KCP: variants seen among roughly 807,000 people sequenced by gnomAD.
KCP encodes the protein kielin cysteine rich BMP regulator, also known as kielin/chordin-like protein.
Under a neutral mutation model 212.7 loss-of-function variants are expected in KCP, and 194 were observed. The observed-to-expected ratio is 0.91, with a 90% CI of 0.81 to 1.03. The LOEUF (loss-of-function observed/expected upper bound fraction) is 1.03. Among genes scored for constraint, KCP ranks in the 50% least tolerant of loss-of-function variants. KCP has a pLI of 0.00. For synonymous variants in KCP, 833 were observed against 865.3 expected (o/e 0.96, Z 0.65); for missense variants, 2,080 against 2,162.5 (o/e 0.96, Z 0.76).
At chr7:128,887,180 G>T in intron 23 of KCP, 35 bp downstream of exon 23, 1 of 1,530,858 alleles carries the variant, frequency 6.5e-7, no homozygotes, top group Non-Finnish European at 8.9e-7. Context: ...ATCAAGGGAG[G>T]AAAGGTTACC....
rs968413816 is a variant in KCP at position 128,891,690 on chromosome 7, CA to C, written c.1750del (p.Cys584ValfsTer43). On this transcript the variant is annotated frameshift_variant, in exon 17 of 40. Coordinates refer to ENST00000610776, the MANE Select transcript of KCP (RefSeq NM_001366122.1). LOFTEE classifies it high-confidence loss of function. ...CQPRPCPRAP[C>X]AHPLPGTCCP... is the part of the protein sequence containing the mutation. ...GCAGGTCCCAGGCAGCGGGTGGGCA[CA>C]GGGGGCCCTGGGGCAGGGGCGAGGC... 7.6e-6 allele frequency: 11 copies of C among 1,452,572 alleles called. No individual in the cohort carries two copies. Among genetic ancestry groups the C allele is most frequent in the African/African-American group, 5.7e-5 (4 of 69,724 alleles). The allele number at this position is 1,452,572 out of a possible 1,614,324, so 90.0% of individuals were successfully genotyped here. A position where few individuals can be genotyped will look rare whatever the true frequency, so the allele number is the denominator to read the frequency against.
chr7:128,877,148 C>T lies in KCP; in HGVS notation c.4782G>A (p.Glu1594=), dbSNP rs1353448030. The part of the protein sequence containing the change: ...CQCPAGLVEH[E]AHCIPPEACP... ...AGGCCTCGGGTGGGATGCAGTGGGC[C>T]TCATGCTCCACCAGGCCTGCAGGGC... Residue 1594 remains glutamate, a synonymous_variant, in exon 40 of 40, where the codon GAG becomes GAA. Transcript: ENST00000610776. 1.3e-6 allele frequency: 2 copies of T among 1,503,374 alleles called. No individual in the cohort carries two copies. The highest frequency in any genetic ancestry group is 2.6e-5 in the Admixed American group (1 of 38,902). The allele number at this position is 1,503,374 out of a possible 1,614,324, so 93.1% of individuals were successfully genotyped here. A position where few individuals can be genotyped will look rare whatever the true frequency, so the allele number is the denominator to read the frequency against.
At chr7:128,894,405 G>T (rs1359644983) in intron 8 of KCP, 112 bp from the exon 9 acceptor site, 11 of 804,516 alleles carry the variant, frequency 1.4e-5, no homozygotes, top group Non-Finnish European at 2.1e-5. Flanking sequence ...GTTGAATTGT[G>T]TGTCCCCGCC....
rs781551081 is a variant in KCP, at chr7:128,885,572, G to A, written c.2867-302C>T. Among the ~76,000 whole-genome samples, 100 of 152,216 alleles carry A rather than the reference G, an allele frequency of 6.6e-4. 3 individuals carry two copies. Among genetic ancestry groups the A allele is most frequent in the Non-Finnish European group, 1.0e-4 (7 of 68,048 alleles). On this transcript the variant is annotated intron_variant, in intron 26 of 39. Coordinates refer to ENST00000610776, the MANE Select transcript of KCP (RefSeq NM_001366122.1). ...CACAGACCTGGCATGCAGCAGCTGT[G>A]TCATAAATGCATGTGGACCAGGTGA...
intron 7 of KCP, chr7:128,903,367 T>G: frequency 3.2e-6 from 1 of 309,154 alleles, no homozygotes; most frequent in South Asian, 5.4e-5. Flanking sequence ...GGTGCCTGCT[T>G]CTATTCCTGC....
At chr7:128,894,560 T>C (rs2128948405) in intron 8 of KCP, among the ~76,000 whole-genome samples, 1 of 152,336 alleles carries the variant, frequency 6.6e-6, no homozygotes, top group Non-Finnish European at 1.5e-5. Context: ...TAGTATCTTT[T>C]TTTTTTGAGA....
intron 5 of KCP, chr7:128,904,363 GC>G: frequency 6.4e-7 from 1 of 1,551,504 alleles, no homozygotes; most frequent in South Asian, 1.2e-5. Flanking sequence ...AGGGCCCCTG[GC>G]ACTGCACGGC....
chr7:128,903,466 T>G, intron 7 of KCP: 1 of 536,926 alleles, frequency 1.9e-6, no homozygotes, highest in Admixed American at 3.6e-5. Flanking sequence ...TGTCTCATGA[T>G]TGGGGAGCAC....
intron 5 of KCP, 59 bp from the exon 6 acceptor site, chr7:128,904,197 C>T: frequency 6.5e-7 from 1 of 1,530,476 alleles, no homozygotes; most frequent in Non-Finnish European, 8.9e-7. Flanking sequence ...GTGGACATCA[C>T]TTGAGGTAAG....
chr7:128,885,022 G>A, intron 27 of KCP, 75 bp downstream of exon 27: 1 of 1,535,786 alleles, frequency 6.5e-7, no homozygotes, highest in Non-Finnish European at 8.8e-7. Flanking sequence ...CTGCCACCCG[G>A]CCCAGCAGCG....
rs1795159252 is a variant in KCP at position 128,907,112 on chromosome 7, A to T, written c.475T>A (p.Cys159Ser). 3.2e-6 allele frequency: 5 copies of T among 1,551,380 alleles called. No homozygotes were observed. In the East Asian group the frequency reaches 1.2e-4, roughly 38 times the overall value. Residue 159 changes from cysteine to serine, a missense_variant, in exon 4 of 40, where the codon TGC (cysteine) becomes AGC (serine). Cys to Ser is a moderately radical substitution (Grantham distance 112). Transcript: ENST00000610776. Reference sequence around the variant, plus strand: ...TCCTGGGAGCTTACCAGACAGCGGCAGGTGGTGCAGGCATCTGGGGAGAAG... The same window carrying T: ...TCCTGGGAGCTTACCAGACAGCGGCTGGTGGTGCAGGCATCTGGGGAGAAG... ...ETFSPDACTTCRCLEGTITCN... is the reference protein window; with the variant it reads ...ETFSPDACTTSRCLEGTITCN...
intron 8 of KCP, among the ~76,000 whole-genome samples, chr7:128,902,036 C>T (rs1794880432): frequency 6.6e-6 from 1 of 152,168 alleles, no homozygotes; most frequent in Admixed American, 6.5e-5. Flanking sequence ...CCACTTATGT[C>T]ATTTTAAGTG....
chr7:128,894,556 CT>C (rs113697825), intron 8 of KCP, among the ~76,000 whole-genome samples: 15,296 of 149,782 alleles, frequency 0.1, 2,383 homozygotes, highest in African/African-American at 0.33. Context: ...TAACTAGTAT[CT>C]TTTTTTTTTG....
In KCP at chr7:128,902,627, G is replaced by A. The variant is rs1329470110; in HGVS notation, c.831+150C>T. On this transcript the variant is annotated intron_variant, in intron 8 of 39. Coordinates refer to ENST00000610776, the MANE Select transcript of KCP (RefSeq NM_001366122.1). ...CGCAGATGAGCTCTGCCCAGCCCCC[G>A]CCTGCACAGCCCCCAGCAGACAGCG... is the stretch of plus-strand genomic sequence containing the variant. 25 of 720,422 alleles carry A rather than the reference G, an allele frequency of 3.5e-5. 1 individual carries two copies. Among genetic ancestry groups the A allele is most frequent in the South Asian group, 1.2e-4 (7 of 57,326 alleles). The allele number at this position is 720,422 out of a possible 1,614,324, so 44.6% of individuals were successfully genotyped here.
intron 34 of KCP, 71 bp downstream of exon 34, chr7:128,880,315 G>T: frequency 6.9e-7 from 1 of 1,459,442 alleles, no homozygotes. Flanking sequence ...CTGATGCCTG[G>T]TCACACCAGG....
intron 37 of KCP, chr7:128,879,187 AC>A (rs751731078): frequency 9.4e-5 from 36 of 381,814 alleles, no homozygotes; most frequent in East Asian, 1.4e-4. Flanking sequence ...AACCTGAGAC[AC>A]CCCCCCAGGA....
rs542483498 is a variant in KCP, at chr7:128,877,735, G to T, written c.4367C>A (p.Pro1456Gln). 6.4e-7 allele frequency: 1 copy of T among 1,550,866 alleles called. No individual in the cohort carries two copies. The highest frequency in any genetic ancestry group is 2.4e-5 in the East Asian group (1 of 40,912). Residue 1456 changes from proline (P) to glutamine (Q), a missense_variant, in exon 39 of 40, where the codon CCG (proline) becomes CAG (glutamine). By Grantham distance (76) the Pro-to-Gln change is moderately conservative (BLOSUM62 -1). Coordinates refer to ENST00000610776, the MANE Select transcript of KCP (RefSeq NM_001366122.1). ...RPCSAGREVD[P>Q]CRAAGYRARR... ...GGCACGGTAACCTGCTGCCCGGCACGGATCCACCTCTCGGCCTGCAGAACA... is the reference window on the plus strand; with the variant it reads ...GGCACGGTAACCTGCTGCCCGGCACTGATCCACCTCTCGGCCTGCAGAACA...
chr7:128,904,014 A>C (rs1330059146), intron 6 of KCP, 42 bp downstream of exon 6: 6 of 1,509,976 alleles, frequency 4.0e-6, no homozygotes, highest in Non-Finnish European at 4.5e-6. Flanking sequence ...GCAGGTGTCC[A>C]GGGAGGTGCA....
chr7:128,885,051 AG>A (rs1563025143), intron 27 of KCP, 45 bp downstream of exon 27: 1 of 1,548,862 alleles, frequency 6.5e-7, no homozygotes, highest in Admixed American at 2.0e-5. Context: ...GTGTGGGCCC[AG>A]GGCTCCCTCC....
Sources: gnomAD v4.1 joint callset for allele counts (sites outside exome capture counted in the v4.1 genomes callset) on GRCh38, gnomAD v4.1.1 for gene constraint, MANE v1.5 for transcripts, NCBI Gene and HGNC (gene_info 2026-07-23, HGNC 2026-07-21) for gene names.